Variants in RTN1 observed in about 807,000 individuals in gnomAD.
The protein encoded by RTN1 is reticulon-1.
In RTN1, 25 loss-of-function variants were observed where a neutral mutation model predicts 65.5. The ratio of observed to expected loss-of-function variants is 0.38; its 90% confidence interval spans 0.28 to 0.53. RTN1 has a LOEUF of 0.53. Among genes scored for constraint, RTN1 ranks in the 20% least tolerant of loss-of-function variants. The probability of loss-of-function intolerance (pLI) is 0.79; values close to 1 mark genes in which losing one functional copy is unlikely to be tolerated. For missense variants in RTN1, 983 were observed against 1,025.4 expected (o/e 0.96, Z 0.57); for synonymous variants, 471 against 447.6 (o/e 1.05, Z -0.66).
intron 3 of RTN1, among the ~76,000 whole-genome samples, chr14:59,624,854 G>C (rs1882350922): frequency 6.6e-6 from 1 of 152,174 alleles, no homozygotes; most frequent in African/African-American, 2.4e-5. Context: ...AAATTTGCCT[G>C]TGACAAACAT....
rs546013957 is a variant in RTN1, at chr14:59,655,921, C to G, written c.1766-48429G>C. On this transcript the variant is annotated intron_variant, in intron 3 of 8. Coordinates refer to ENST00000267484, the MANE Select transcript of RTN1 (RefSeq NM_021136.3). ...AAAGGCATAATCTTCAAGACCCACA[C>G]AAAAACTTGGATACGAACATTCACA... Among the ~76,000 whole-genome samples the G allele has an allele frequency of 5.3e-5, 8 of 152,290 alleles. No individual in the cohort carries two copies. In the South Asian group the frequency reaches 1.5e-3, roughly 28 times the overall value.
chr14:59,622,537 A>T (rs1040995877), intron 3 of RTN1, among the ~76,000 whole-genome samples: 1 of 152,168 alleles, frequency 6.6e-6, no homozygotes, highest in African/African-American at 2.4e-5. Flanking sequence ...GACAAACCTC[A>T]GTTGTTTCCA....
At chr14:59,718,262 G>C (rs1396048182) in intron 3 of RTN1, among the ~76,000 whole-genome samples, 1 of 152,170 alleles carries the variant, frequency 6.6e-6, no homozygotes, top group Non-Finnish European at 1.5e-5. Flanking sequence ...CACCAATAGA[G>C]ACCATGGCCG....
chr14:59,811,615 T>C lies in RTN1; in HGVS notation c.241+58775A>G, dbSNP rs142860013. Among the ~76,000 whole-genome samples the C allele has an allele frequency of 3.2e-4, 49 of 152,310 alleles. No homozygotes were observed. In the East Asian group the frequency reaches 6.0e-3, roughly 19 times the overall value. ...TTTCAGGGCTGCTTAAAGTTCTATA[T>C]GCCTTGATGCAGCAAATATTGTTGG... On this transcript the variant is annotated intron_variant, in intron 1 of 8. Transcript: ENST00000267484.
At chr14:59,708,817 A>G (rs1884354282) in intron 3 of RTN1, among the ~76,000 whole-genome samples, 1 of 152,236 alleles carries the variant, frequency 6.6e-6, no homozygotes, top group Admixed American at 6.5e-5. Flanking sequence ...TGCACTGAAG[A>G]ATTCTATCAA....
At chr14:59,804,844 G>T (rs946842920) in intron 1 of RTN1, among the ~76,000 whole-genome samples, 1 of 152,158 alleles carries the variant, frequency 6.6e-6, no homozygotes, top group Non-Finnish European at 1.5e-5. Flanking sequence ...TACTATTTTG[G>T]CATGAATTAG....
intron 1 of RTN1, among the ~76,000 whole-genome samples, chr14:59,827,037 G>C (rs1887043341): frequency 6.6e-6 from 1 of 152,076 alleles, no homozygotes; most frequent in Non-Finnish European, 1.5e-5. Context: ...GACACCAAAT[G>C]CATCAACAAG....
intron 3 of RTN1, among the ~76,000 whole-genome samples, chr14:59,714,183 C>T (rs763521129): frequency 6.6e-6 from 1 of 150,702 alleles, no homozygotes; most frequent in Non-Finnish European, 1.5e-5. Flanking sequence ...TGCAGTTAGC[C>T]GAGATTGTGC....
intron 1 of RTN1, among the ~76,000 whole-genome samples, chr14:59,756,942 G>T (rs1190114385): frequency 6.6e-6 from 1 of 151,060 alleles, no homozygotes; most frequent in Non-Finnish European, 1.5e-5. Flanking sequence ...TCCTGCCTCA[G>T]TCTCCCAGGT....
chr14:59,746,059 A>T lies in RTN1; in HGVS notation c.664T>A (p.Phe222Ile). 6.2e-7 allele frequency: 1 copy of T among 1,614,082 alleles called. No homozygotes were observed. Among genetic ancestry groups the T allele is most frequent in the Non-Finnish European group, 8.5e-7 (1 of 1,180,012 alleles). ...HPELEDKDLD[F>I]KNKDTDISIK... ...GAGATGTCAGTGTCTTTATTCTTAA[A>T]GTCCAAGTCTTTATCTTCCAGCTCG... Residue 222 changes from phenylalanine (F) to isoleucine (I), a missense_variant, in exon 2 of 9, where the codon TTT becomes ATT. Phe to Ile is a conservative substitution (Grantham distance 21). Around this residue, in one of 2 missense-constraint regions of RTN1, gnomAD observed 818 missense variants for 801.8 expected, o/e 1.02. Coordinates refer to ENST00000267484, the MANE Select transcript of RTN1 (RefSeq NM_021136.3).
intron 3 of RTN1, among the ~76,000 whole-genome samples, 167 bp downstream of exon 3, chr14:59,726,752 G>A (rs752614739): frequency 6.6e-6 from 1 of 152,112 alleles, no homozygotes; most frequent in Non-Finnish European, 1.5e-5. Flanking sequence ...CCCAGCTGCA[G>A]ATCTGAATTC....
chr14:59,729,185 A>C (rs1002837366), intron 2 of RTN1, among the ~76,000 whole-genome samples: 1 of 152,222 alleles, frequency 6.6e-6, no homozygotes, highest in African/African-American at 2.4e-5. Context: ...AAAGGCTCAG[A>C]GGTGGGAGCT....
At chr14:59,695,126 T>C (rs1594682864) in intron 3 of RTN1, among the ~76,000 whole-genome samples, 1 of 152,136 alleles carries the variant, frequency 6.6e-6, no homozygotes, top group East Asian at 1.9e-4. Flanking sequence ...CAAGGGCACT[T>C]GGTGCCACGG....
At chr14:59,811,504 T>C (rs1169035765) in intron 1 of RTN1, among the ~76,000 whole-genome samples, 1 of 152,208 alleles carries the variant, frequency 6.6e-6, no homozygotes. Context: ...TCTTGAAATA[T>C]CAGCTAATAA....
intron 3 of RTN1, among the ~76,000 whole-genome samples, chr14:59,645,397 ATTACATGTTTTCTATATG>A (rs1304177785): frequency 8.7e-4 from 127 of 146,710 alleles, no homozygotes; most frequent in African/African-American, 3.1e-3. Flanking sequence ...TTTTCTATAT[ATTACATGTTTTCTATATG>A]TTACATGTTT....
At chr14:59,841,348 A>G (rs1887307741) in intron 1 of RTN1, among the ~76,000 whole-genome samples, 1 of 152,196 alleles carries the variant, frequency 6.6e-6, no homozygotes, top group African/African-American at 2.4e-5. Context: ...TAATTACACA[A>G]ATATAAATGT....
At chr14:59,740,235 C>T (rs1359413344) in intron 2 of RTN1, among the ~76,000 whole-genome samples, 2 of 152,174 alleles carry the variant, frequency 1.3e-5, no homozygotes, top group African/African-American at 4.8e-5. Flanking sequence ...CAATAAATAG[C>T]ACTCATATGA....
At chr14:59,665,179 G>A (rs917517569) in intron 3 of RTN1, among the ~76,000 whole-genome samples, 6 of 152,102 alleles carry the variant, frequency 3.9e-5, no homozygotes, top group African/African-American at 7.2e-5. Flanking sequence ...ATGTGTTAAG[G>A]GCAGCCAGAG....
intron 1 of RTN1, among the ~76,000 whole-genome samples, chr14:59,821,523 T>G (rs1886944209): frequency 6.6e-6 from 1 of 152,232 alleles, no homozygotes; most frequent in Non-Finnish European, 1.5e-5. Flanking sequence ...CTTGCCTGAC[T>G]GCTCTGGGTA....
Sources: allele counts gnomAD v4.1 joint callset (sites outside exome capture counted in the v4.1 genomes callset), GRCh38; gene constraint gnomAD v4.1.1; regional missense constraint gnomAD v4.1.1; transcripts MANE v1.5; gene names NCBI Gene and HGNC (gene_info 2026-07-23, HGNC 2026-07-21).